MYRF: variants seen among roughly 807,000 people sequenced by gnomAD.
MYRF encodes myelin gene regulatory factor.
MYRF carries 16 observed loss-of-function variants against 126.3 expected under a neutral mutation model. The ratio of observed to expected loss-of-function variants is 0.13; its 90% CI spans 0.09 to 0.19. The LOEUF is 0.19. Ranked by LOEUF, MYRF falls within the 10% of genes least tolerant of loss-of-function variation. MYRF has a pLI of 1.00. For missense variants in MYRF, 1,104 were observed against 1,547.0 expected, an observed-to-expected ratio of 0.71 and a Z score of 4.80; for synonymous variants, 608 against 635.3, an observed-to-expected ratio of 0.96 and a Z score of 0.65.
rs1187613952 is a variant in MYRF at position 61,779,616 on chromosome 11, C to T, written c.2247+46C>T. On this transcript the variant is annotated intron_variant, in intron 16 of 26. Transcript: ENST00000278836. ...CAGGCGGGTTGGAAAGGGGGCCTCCCTTGTGGCCTCCCTTTCTGGCTTGCA... is the reference window on the plus strand; with the variant it reads ...CAGGCGGGTTGGAAAGGGGGCCTCCTTTGTGGCCTCCCTTTCTGGCTTGCA... The T allele has an allele frequency of 2.8e-6, 4 of 1,439,946 alleles. No individual in the cohort carries two copies. In the Middle Eastern group the frequency reaches 6.7e-4, roughly 241 times the overall value. 89.2% of individuals were successfully genotyped at this position (1,439,946 alleles called of 1,614,324 possible). A position where few individuals can be genotyped will look rare whatever the true frequency, so the allele number is the denominator to read the frequency against.
chr11:61,758,190 C>G (rs899433188), intron 1 of MYRF, among the ~76,000 whole-genome samples: 6 of 152,142 alleles, frequency 3.9e-5, no homozygotes, highest in Non-Finnish European at 7.4e-5. Flanking sequence ...ATTCTGTCCT[C>G]CCTGTGCCCC....
At chr11:61,775,941 G>A in intron 8 of MYRF, 115 bp from the exon 9 acceptor site, 2 of 939,954 alleles carry the variant, frequency 2.1e-6, no homozygotes, top group East Asian at 2.5e-5. Context: ...AGGGCTGGGT[G>A]CTGCCCTGTT....
In MYRF at chr11:61,779,534, C is replaced by CCCCCACAAGAAGAGG; in HGVS notation, c.2216_2230dup (p.His739_Pro743dup). The CCCCCACAAGAAGAGG allele has an allele frequency of 1.3e-6, 2 of 1,509,410 alleles. No individual in the cohort carries two copies. Among genetic ancestry groups the CCCCCACAAGAAGAGG allele is most frequent in the Non-Finnish European group, 1.8e-6 (2 of 1,128,274 alleles). 93.5% of individuals were successfully genotyped at this position (1,509,410 alleles called of 1,614,324 possible). A position where few individuals can be genotyped will look rare whatever the true frequency, so the allele number is the denominator to read the frequency against. On this transcript the variant is annotated inframe_insertion, in exon 16 of 27. Transcript: ENST00000278836. ...GCCAGTTCAGTCGGGCGGGCAGCGT[C>CCCCCACAAGAAGAGG]CCCCACAAGAAGAGGCCCCCCAAGG...
intron 3 of MYRF, 105 bp downstream of exon 3, chr11:61,766,326 T>G: frequency 8.0e-7 from 1 of 1,256,816 alleles, no homozygotes; most frequent in Non-Finnish European, 1.1e-6. Context: ...TGGCATGGGA[T>G]GGGCTGGGTG....
intron 7 of MYRF, among the ~76,000 whole-genome samples, chr11:61,772,292 C>A (rs2135796807): frequency 6.6e-6 from 1 of 152,260 alleles, no homozygotes; most frequent in East Asian, 1.9e-4. Context: ...CTGGGCCCTC[C>A]CGGCAGCCCC....
In MYRF at chr11:61,786,349, G is replaced by C. The variant is rs571969753; in HGVS notation, c.*206G>C. The C allele has an allele frequency of 3.5e-5, 21 of 601,734 alleles. No homozygotes were observed. The East Asian group carries it at 5.6e-4, about 16-fold the overall frequency. 37.3% of individuals were successfully genotyped at this position (601,734 alleles called of 1,614,324 possible). A position where few individuals can be genotyped will look rare whatever the true frequency, so the allele number is the denominator to read the frequency against. The stretch of plus-strand genomic sequence containing the variant: ...CTCACGGCACAGAGGGAACCTGAGA[G>C]CCAGAGACTTCTTGGGCCTTCCTGC... On this transcript the variant is annotated 3_prime_UTR_variant, in exon 27 of 27. Coordinates refer to ENST00000278836, the MANE Select transcript of MYRF (RefSeq NM_001127392.3). This position sits in a 1 kb window ranked among gnomAD's most constrained non-coding sequence, Gnocchi z 4.5.
rs1463867308 is a variant in MYRF, at chr11:61,769,004, A to G, written c.399-256A>G. On this transcript the variant is annotated intron_variant, in intron 3 of 26. Transcript: ENST00000278836. ...GAGTCCCTGTGCCATCATCAAGGAC[A>G]CTAGTAACTGCCCCCCAAGTGCCCT... Among the ~76,000 whole-genome samples the G allele has an allele frequency of 3.9e-5, 6 of 152,256 alleles. No individual in the cohort carries two copies. In the East Asian group the frequency reaches 9.6e-4, roughly 24 times the overall value.
chr11:61,755,421 A>G, intron 1 of MYRF: 1 of 1,610,138 alleles, frequency 6.2e-7, no homozygotes, highest in Non-Finnish European at 8.5e-7. Flanking sequence ...CCCACCGGGC[A>G]GGATGCACTG....
At chr11:61,766,945 A>G in intron 3 of MYRF, 1 of 451,270 alleles carries the variant, frequency 2.2e-6, no homozygotes, top group Non-Finnish European at 4.5e-6. Flanking sequence ...CTGTGTTCAG[A>G]CAGCCTGGCT....
At chr11:61,762,219 T>A (rs1239391530) in intron 1 of MYRF, among the ~76,000 whole-genome samples, 5 of 149,908 alleles carry the variant, frequency 3.3e-5, no homozygotes, top group African/African-American at 1.2e-4. Flanking sequence ...GCAGGGGACC[T>A]GGGGAAGGAG....
rs561225633 is a variant in MYRF, at chr11:61,757,481, C to T, written c.46+4691C>T. 2.0e-5 allele frequency: 9 copies of T among 456,174 alleles called. No homozygotes were observed. Among genetic ancestry groups the T allele is most frequent in the East Asian group, 6.9e-5 (1 of 14,498 alleles). The allele number at this position is 456,174 out of a possible 1,614,324, so 28.3% of individuals were successfully genotyped here. A position where few individuals can be genotyped will look rare whatever the true frequency, so the allele number is the denominator to read the frequency against. On this transcript the variant is annotated intron_variant, in intron 1 of 26. Coordinates refer to ENST00000278836, the MANE Select transcript of MYRF (RefSeq NM_001127392.3). The surrounding 1 kb of genome is among the most constrained non-coding windows in gnomAD (Gnocchi z 4.7). The stretch of plus-strand genomic sequence containing the variant: ...CCATTGGTCCATGGCAGGTGTTCTG[C>T]GCCCTACCTTGAAGATTACTGGTCC...
Position 61,778,536 on chromosome 11 carries a change from C to A in MYRF, c.2013+47C>A, listed in dbSNP as rs1190831838. On this transcript the variant is annotated intron_variant, in intron 14 of 26. Coordinates refer to ENST00000278836, the MANE Select transcript of MYRF (RefSeq NM_001127392.3). This position sits in a 1 kb window ranked among gnomAD's most constrained non-coding sequence, Gnocchi z 4.6. ...AGGGAGCCCAGAGGCAAGTGGGGAG[C>A]CAGCTGGGGAACACTCATCACCTCC... 7.3e-7 allele frequency: 1 copy of A among 1,365,326 alleles called. No homozygotes were observed. Among genetic ancestry groups the A allele is most frequent in the Non-Finnish European group, 1.0e-6 (1 of 953,984 alleles). 84.6% of individuals were successfully genotyped at this position (1,365,326 alleles called of 1,614,324 possible).
intron 1 of MYRF, chr11:61,755,325 G>A: frequency 7.1e-6 from 11 of 1,553,802 alleles, no homozygotes; most frequent in Non-Finnish European, 9.6e-6. Context: ...GGCTGGTACA[G>A]CCGGGCCCCC....
rs757181885 is a variant in MYRF at position 61,776,309 on chromosome 11, C to T, written c.1389-13C>T. On this transcript the variant is annotated splice_polypyrimidine_tract_variant and intron_variant, in intron 9 of 26. Transcript: ENST00000278836. This position sits in a 1 kb window ranked among gnomAD's most constrained non-coding sequence, Gnocchi z 4.3. The stretch of plus-strand genomic sequence containing the variant: ...CCTCCCTGCCCCCTGAGCACCCTGC[C>T]TCTCCTCTGCAGGGTCAATCTGCCC... 3 of 1,605,424 alleles carry T rather than the reference C, an allele frequency of 1.9e-6. No homozygotes were observed. Among genetic ancestry groups the T allele is most frequent in the Non-Finnish European group, 2.6e-6 (3 of 1,174,666 alleles).
At chr11:61,780,623 A>T (rs1487055332) in intron 18 of MYRF, 89 bp from the exon 19 acceptor site, 1 of 1,306,520 alleles carries the variant, frequency 7.7e-7, no homozygotes, top group Non-Finnish European at 1.1e-6. Context: ...GCCCACTGTC[A>T]CCCCCAGCTC....
intron 3 of MYRF, chr11:61,766,691 C>G: frequency 3.7e-6 from 1 of 269,236 alleles, no homozygotes; most frequent in South Asian, 4.2e-5. Context: ...GGGCCCAGAA[C>G]CCAGGCCCTT....
chr11:61,772,633 G>T (rs1316860499), intron 7 of MYRF, among the ~76,000 whole-genome samples: 3 of 152,244 alleles, frequency 2.0e-5, no homozygotes, highest in Non-Finnish European at 4.4e-5. Context: ...CCAGGTGGGG[G>T]TGCAGTCGTA....
intron 1 of MYRF, among the ~76,000 whole-genome samples, chr11:61,764,155 C>G (rs2065982772): frequency 6.6e-6 from 1 of 152,156 alleles, no homozygotes; most frequent in African/African-American, 2.4e-5. Flanking sequence ...AGGGCCCTGG[C>G]CTGTCGCAGG....
chr11:61,781,504 C>T, intron 21 of MYRF, 69 bp from the exon 22 acceptor site: 1 of 1,569,538 alleles, frequency 6.4e-7, no homozygotes, highest in Non-Finnish European at 8.6e-7. Flanking sequence ...TCTTGTGGGG[C>T]CCTAGAGACA....
Sources: gnomAD v4.1 joint callset for allele counts (sites outside exome capture counted in the v4.1 genomes callset) on GRCh38, gnomAD v4.1.1 for gene constraint, Gnocchi (gnomAD v3.1) non-coding constraint, MANE v1.5 for transcripts, NCBI Gene and HGNC (gene_info 2026-07-23, HGNC 2026-07-21) for gene names.